The following LMCD1 variants were observed in gnomAD, a reference collection of about 807,000 sequenced individuals.
LMCD1 encodes LIM and cysteine-rich domains protein 1.
In LMCD1, 32 loss-of-function variants were observed where a neutral mutation model predicts 42.7. That is an observed-to-expected ratio of 0.75 (90% CI 0.57 to 1.01). LMCD1 has a LOEUF of 1.01. LMCD1 is among the 50% of genes least tolerant of loss of function. LMCD1 has a pLI of 0.00. For missense variants in LMCD1, 458 were observed against 483.1 expected, an observed-to-expected ratio of 0.95 and a Z score of 0.49; for synonymous variants, 178 against 184.9, an observed-to-expected ratio of 0.96 and a Z score of 0.30.
At chr3:8,502,529 C>T (rs1693780604) in intron 1 of LMCD1, among the ~76,000 whole-genome samples, 1 of 142,582 alleles carries the variant, frequency 7.0e-6, no homozygotes, top group Non-Finnish European at 1.5e-5. Context: ...TCACAGTCTC[C>T]CTTTTGCTAT....
At chr3:8,541,652 C>G (rs867110833) in intron 3 of LMCD1, among the ~76,000 whole-genome samples, 2 of 152,232 alleles carry the variant, frequency 1.3e-5, no homozygotes, top group African/African-American at 4.8e-5. Context: ...GTTATGGGAA[C>G]AAGATTTAGC....
intron 1 of LMCD1, among the ~76,000 whole-genome samples, chr3:8,524,613 C>G (rs566410368): frequency 6.6e-6 from 1 of 152,028 alleles, no homozygotes; most frequent in African/African-American, 2.4e-5. Context: ...TTTTTTTCAG[C>G]CTTATTGAGG....
At chr3:8,556,932 G>A (rs1243652366) in intron 4 of LMCD1, among the ~76,000 whole-genome samples, 3 of 152,202 alleles carry the variant, frequency 2.0e-5, no homozygotes, top group East Asian at 3.9e-4. Flanking sequence ...GAAATGTAAG[G>A]TGAAGGGGTC....
chr3:8,534,642 C>T (rs1256938518), intron 2 of LMCD1, among the ~76,000 whole-genome samples: 2 of 152,168 alleles, frequency 1.3e-5, no homozygotes, highest in African/African-American at 2.4e-5. Context: ...TTTAAATGAC[C>T]AAAGTGCCAA....
At position 8,526,250 on chromosome 3, in the gene LMCD1, G is replaced by A. The variant is rs183378740; in HGVS notation, c.43-6487G>A. Among the ~76,000 whole-genome samples the A allele has an allele frequency of 7.9e-3, 1,199 of 152,272 alleles. 19 individuals are homozygous for A. The highest frequency in any genetic ancestry group is 0.071 in the Middle Eastern group (21 of 294). Reference sequence around the variant, plus strand: ...GTAATTTTACATTTGTGTGAGTTGAGAAAAACGTGTGAGGGCCCCAAAATA... The same window carrying A: ...GTAATTTTACATTTGTGTGAGTTGAAAAAAACGTGTGAGGGCCCCAAAATA... On this transcript the variant is annotated intron_variant, in intron 1 of 5. Transcript: ENST00000157600.
chr3:8,528,621 G>C (rs974628333), intron 1 of LMCD1, among the ~76,000 whole-genome samples: 1 of 152,206 alleles, frequency 6.6e-6, no homozygotes, highest in Non-Finnish European at 1.5e-5. Context: ...AGGCAATTGA[G>C]TTACTCCATG....
intron 1 of LMCD1, among the ~76,000 whole-genome samples, chr3:8,523,503 T>C (rs867509823): frequency 2.0e-5 from 3 of 152,238 alleles, no homozygotes; most frequent in Non-Finnish European, 2.9e-5. Flanking sequence ...TTTTGGTTGA[T>C]TTCTGCCATA....
chr3:8,525,005 C>T (rs531211602), intron 1 of LMCD1, among the ~76,000 whole-genome samples: 1 of 152,122 alleles, frequency 6.6e-6, no homozygotes, highest in East Asian at 1.9e-4. Flanking sequence ...TTTTGATATT[C>T]ATATACATTG....
rs538684435 is a variant in LMCD1, at chr3:8,552,377, T to C, written c.723+3474T>C. Among the ~76,000 whole-genome samples the C allele has an allele frequency of 2.0e-5, 3 of 152,088 alleles. No individual in the cohort carries two copies. In the South Asian group the frequency reaches 6.2e-4, roughly 32 times the overall value. On this transcript the variant is annotated intron_variant, in intron 4 of 5. Transcript: ENST00000157600. ...GTGGCTGGCTCAGGAGACGTTAGAG[T>C]GAACATGAAACTACGTGAGTTTCTT...
chr3:8,527,329 G>A (rs1261270838), intron 1 of LMCD1, among the ~76,000 whole-genome samples: 1 of 152,182 alleles, frequency 6.6e-6, no homozygotes, highest in Non-Finnish European at 1.5e-5. Flanking sequence ...ATCTGGATGG[G>A]CAAGTTGCTT....
Position 8,520,804 on chromosome 3 carries a change from CT to C in LMCD1, c.43-11930del, listed in dbSNP as rs1463733178. On this transcript the variant is annotated intron_variant, in intron 1 of 5. Coordinates refer to ENST00000157600, the MANE Select transcript of LMCD1 (RefSeq NM_014583.4). Reference sequence around the variant, plus strand: ...ATAGGCAATTAAAACAATGCCCACCCTTTGGGACTCTGAGTGATCTCAAAAG... The same window carrying C: ...ATAGGCAATTAAAACAATGCCCACCCTTGGGACTCTGAGTGATCTCAAAAG... Among the ~76,000 whole-genome samples, 3 of 152,304 alleles carry C rather than the reference CT, an allele frequency of 2.0e-5. No individual in the cohort carries two copies. The East Asian group carries it at 5.8e-4, about 29-fold the overall frequency.
intron 2 of LMCD1, among the ~76,000 whole-genome samples, chr3:8,536,829 T>A (rs866728365): frequency 1.2e-4 from 19 of 152,192 alleles, no homozygotes; most frequent in African/African-American, 4.6e-4. Flanking sequence ...CAAGAGCAGA[T>A]TGTGGGCCAA....
intron 4 of LMCD1, chr3:8,549,854 GTC>G (rs1559355152): frequency 1.4e-6 from 1 of 716,142 alleles, no homozygotes; most frequent in South Asian, 1.5e-5. Flanking sequence ...GCTAACTCGG[GTC>G]TCTCTTCCTC....
In LMCD1 at chr3:8,537,810, C is replaced by G. The variant is rs571671352; in HGVS notation, c.387+370C>G. ...AGATATTCATTTTCCCTTGAAGTAG[C>G]CTGGGATATGCCCTTTGCAAACCTG... On this transcript the variant is annotated intron_variant, in intron 3 of 5. Coordinates refer to ENST00000157600, the MANE Select transcript of LMCD1 (RefSeq NM_014583.4). 2.0e-5 allele frequency among the ~76,000 whole-genome samples: 3 copies of G among 152,290 alleles called. No homozygotes were observed. In the East Asian group the frequency reaches 5.8e-4, roughly 29 times the overall value.
chr3:8,503,544 C>G (rs912221269), intron 1 of LMCD1, among the ~76,000 whole-genome samples: 1 of 152,190 alleles, frequency 6.6e-6, no homozygotes, highest in African/African-American at 2.4e-5. Context: ...TCTTATTTCT[C>G]TATACATTTT....
At chr3:8,547,928 G>A (rs1694768970) in intron 3 of LMCD1, among the ~76,000 whole-genome samples, 1 of 152,126 alleles carries the variant, frequency 6.6e-6, no homozygotes. Context: ...CCTAGATGGT[G>A]TAGCCTGCTA....
rs200749602 is a variant in LMCD1, at chr3:8,567,493, G to T, written c.993G>T (p.Lys331Asn). Reference sequence around the variant, plus strand: ...TGGAAGATCTGGCCTGGCACCGAAAGCACTTTGTCTGTGAGGGTTGTGAGC... The same window carrying T: ...TGGAAGATCTGGCCTGGCACCGAAATCACTTTGTCTGTGAGGGTTGTGAGC... ...QRVEDLAWHR[K>N]HFVCEGCEQL... Residue 331 changes from lysine (K) to asparagine (N), a missense_variant, in exon 6 of 6, where the codon AAG becomes AAT. Transcript: ENST00000157600. 6.2e-7 allele frequency: 1 copy of T among 1,613,972 alleles called. No homozygotes were observed. Among genetic ancestry groups the T allele is most frequent in the East Asian group, 2.2e-5 (1 of 44,844 alleles).
intron 1 of LMCD1, among the ~76,000 whole-genome samples, chr3:8,503,797 T>C (rs997587491): frequency 6.6e-6 from 1 of 152,088 alleles, no homozygotes. Context: ...GGTGGCAGAG[T>C]TCCATTGTCC....
intron 3 of LMCD1, among the ~76,000 whole-genome samples, chr3:8,539,949 TCTC>T (rs547326318): frequency 1.8e-3 from 274 of 151,826 alleles, no homozygotes; most frequent in Middle Eastern, 0.017. Context: ...CATTAGGTAT[TCTC>T]CTAATGCTAT....
Sources: gnomAD v4.1 joint callset for allele counts (sites outside exome capture counted in the v4.1 genomes callset) on GRCh38, gnomAD v4.1.1 for gene constraint, MANE v1.5 for transcripts, NCBI Gene and HGNC (gene_info 2026-07-23, HGNC 2026-07-21) for gene names.